The following DLG2 variants were observed in gnomAD, a reference collection of about 807,000 sequenced individuals.
The protein encoded by DLG2 is discs large MAGUK scaffold protein 2.
A neutral mutation model predicts 132.5 loss-of-function variants in DLG2; 45 were observed. The observed-to-expected ratio is 0.34, with a 90% CI of 0.27 to 0.44. The LOEUF (loss-of-function observed/expected upper bound fraction) is 0.44. DLG2 is among the 20% of genes least tolerant of loss of function. The probability of loss-of-function intolerance (pLI) is 1.00; values close to 1 mark genes in which losing one functional copy is unlikely to be tolerated. For synonymous variants in DLG2, 424 were observed against 419.6 expected (o/e 1.01, Z -0.13); for missense variants, 1,045 against 1,196.9 (o/e 0.87, Z 1.87).
At chr11:84,048,192 C>A (rs971324290) in intron 11 of DLG2, among the ~76,000 whole-genome samples, 6 of 151,542 alleles carry the variant, frequency 4.0e-5, no homozygotes, top group African/African-American at 1.5e-4. Context: ...CTCTGGTAGA[C>A]AGGAGAGCGG....
At chr11:83,930,854 A>G (rs1479978880) in intron 14 of DLG2, among the ~76,000 whole-genome samples, 7 of 152,334 alleles carry the variant, frequency 4.6e-5, no homozygotes, top group Non-Finnish European at 1.0e-4. Flanking sequence ...GTGGAGCTTC[A>G]CTGGTCATCT....
intron 19 of DLG2, among the ~76,000 whole-genome samples, chr11:83,628,807 G>C (rs934812341): frequency 6.6e-6 from 1 of 152,022 alleles, no homozygotes; most frequent in African/African-American, 2.4e-5. Flanking sequence ...GTTCCCTCTT[G>C]TCTATTCCAT....
intron 18 of DLG2, among the ~76,000 whole-genome samples, chr11:83,771,793 GTTC>G (rs987496381): frequency 1.3e-5 from 2 of 152,134 alleles, no homozygotes; most frequent in African/African-American, 4.8e-5. Flanking sequence ...TATAAAATCA[GTTC>G]TTCTGAGTGA....
chr11:85,444,079 T>C (rs1445612314), intron 3 of DLG2, among the ~76,000 whole-genome samples: 1 of 152,180 alleles, frequency 6.6e-6, no homozygotes, highest in Non-Finnish European at 1.5e-5. Context: ...TTATATCCTA[T>C]TATATGATAT....
At chr11:83,632,185 C>T (rs1465357846) in intron 19 of DLG2, 1 of 152,174 alleles carries the variant, frequency 6.6e-6, no homozygotes, top group Non-Finnish European at 1.5e-5. Flanking sequence ...CTTCTTAGCC[C>T]TGCTGTGAAT....
At chr11:84,411,900 A>G (rs2098907089) in intron 7 of DLG2, among the ~76,000 whole-genome samples, 1 of 151,948 alleles carries the variant, frequency 6.6e-6, no homozygotes, top group Non-Finnish European at 1.5e-5. Context: ...TTCTACATTT[A>G]TTTTCTAGCT....
At chr11:85,009,157 A>G (rs2058942042) in intron 6 of DLG2, among the ~76,000 whole-genome samples, 1 of 152,068 alleles carries the variant, frequency 6.6e-6, no homozygotes, top group South Asian at 2.1e-4. Flanking sequence ...GTAAGAAAGG[A>G]ATGATTGAAA....
At chr11:83,974,481 TAAG>T (rs2091898835) in intron 12 of DLG2, among the ~76,000 whole-genome samples, 1 of 152,040 alleles carries the variant, frequency 6.6e-6, no homozygotes, top group South Asian at 2.1e-4. Flanking sequence ...AGTATTACTC[TAAG>T]AAGAAGGCTC....
chr11:84,279,973 A>G (rs909460469), intron 7 of DLG2, among the ~76,000 whole-genome samples: 2 of 152,244 alleles, frequency 1.3e-5, no homozygotes, highest in Non-Finnish European at 2.9e-5. Flanking sequence ...TCTTAGGACA[A>G]GATAAGTACG....
At chr11:84,679,781 T>C (rs2099724092) in intron 6 of DLG2, among the ~76,000 whole-genome samples, 1 of 152,102 alleles carries the variant, frequency 6.6e-6, no homozygotes, top group Admixed American at 6.5e-5. Flanking sequence ...CAGTTATAAA[T>C]ATAGTAAGTT....
chr11:85,215,627 T>A (rs2082538064), intron 4 of DLG2, among the ~76,000 whole-genome samples: 1 of 152,160 alleles, frequency 6.6e-6, no homozygotes, highest in Admixed American at 6.6e-5. Context: ...TAACAAAATC[T>A]TACTAAAACA....
chr11:85,508,275 C>T (rs2093980141), intron 3 of DLG2, among the ~76,000 whole-genome samples: 1 of 151,964 alleles, frequency 6.6e-6, no homozygotes, highest in Non-Finnish European at 1.5e-5. Flanking sequence ...TCAGATCCCT[C>T]CTTTGCTCAC....
intron 7 of DLG2, among the ~76,000 whole-genome samples, chr11:84,281,612 C>G: frequency 7.1e-6 from 1 of 139,932 alleles, no homozygotes; most frequent in Non-Finnish European, 1.5e-5. Flanking sequence ...CCACAACAGT[C>G]CCCAGAGTGT....
chr11:84,737,500 GAC>G (rs1555196023), intron 6 of DLG2, among the ~76,000 whole-genome samples: 26 of 116,776 alleles, frequency 2.2e-4, no homozygotes, highest in African/African-American at 7.4e-4. Flanking sequence ...GAAAGAAAGA[GAC>G]AGAGAGAGAG....
intron 6 of DLG2, among the ~76,000 whole-genome samples, chr11:84,761,258 TG>T: frequency 6.6e-6 from 1 of 152,228 alleles, no homozygotes; most frequent in African/African-American, 2.4e-5. Context: ...GATGGTGTAA[TG>T]GTTACTCCAG....
chr11:85,388,340 T>C (rs1045226750), intron 3 of DLG2, among the ~76,000 whole-genome samples: 6 of 152,050 alleles, frequency 3.9e-5, no homozygotes, highest in African/African-American at 1.4e-4. Context: ...CTTAACCCTG[T>C]CCCCACCTGA....
intron 6 of DLG2, among the ~76,000 whole-genome samples, chr11:84,979,449 C>A (rs1228811143): frequency 6.6e-6 from 1 of 152,140 alleles, no homozygotes; most frequent in African/African-American, 2.4e-5. Context: ...AAATGTGGCA[C>A]ATATACACCA....
At chr11:83,730,222 C>T (rs1299590179) in intron 18 of DLG2, among the ~76,000 whole-genome samples, 2 of 138,270 alleles carry the variant, frequency 1.4e-5, no homozygotes, top group African/African-American at 2.8e-5. Flanking sequence ...GTTTCATCTG[C>T]TATAATTGCA....
chr11:83,896,054 T>C (rs1003230050), intron 15 of DLG2, among the ~76,000 whole-genome samples: 4 of 54,382 alleles, frequency 7.4e-5, no homozygotes, highest in Non-Finnish European at 1.5e-4. Flanking sequence ...GGGACTCTCT[T>C]ATGTATACAG....
Sources: gnomAD v4.1 joint callset for allele counts (sites outside exome capture counted in the v4.1 genomes callset) on GRCh38, gnomAD v4.1.1 for gene constraint, MANE v1.5 for transcripts, NCBI Gene and HGNC (gene_info 2026-07-23, HGNC 2026-07-21) for gene names.